Variants in CADPS2 observed in about 807,000 individuals in gnomAD.
CADPS2 encodes calcium-dependent secretion activator 2.
Under a neutral mutation model 172.5 loss-of-function variants are expected in CADPS2, and 93 were observed. The ratio of observed to expected loss-of-function variants is 0.54; its 90% CI spans 0.46 to 0.64. CADPS2 has a LOEUF of 0.64. CADPS2 is among the 30% of genes least tolerant of loss of function. The pLI is 0.00. For synonymous variants in CADPS2, 546 were observed against 555.2 expected (o/e 0.98, Z 0.23); for missense variants, 1,420 against 1,565.9 (o/e 0.91, Z 1.57).
chr7:122,336,692 T>C (rs1440614254), intron 28 of CADPS2, among the ~76,000 whole-genome samples: 1 of 152,228 alleles, frequency 6.6e-6, no homozygotes, highest in Non-Finnish European at 1.5e-5. Flanking sequence ...GGTGGATGAA[T>C]GCAAATATAC....
chr7:122,465,429 G>A (rs955194477), intron 14 of CADPS2, among the ~76,000 whole-genome samples: 1 of 152,156 alleles, frequency 6.6e-6, no homozygotes, highest in Admixed American at 6.5e-5. Context: ...ACCAATCCAT[G>A]GCCTGTTTGG....
chr7:122,749,878 T>A (rs1378561739), intron 1 of CADPS2, among the ~76,000 whole-genome samples: 1 of 151,770 alleles, frequency 6.6e-6, no homozygotes, highest in African/African-American at 2.4e-5. Flanking sequence ...GATTTTTAAT[T>A]CTAAAAGCAA....
At chr7:122,562,580 A>G (rs1468921661) in intron 7 of CADPS2, among the ~76,000 whole-genome samples, 5 of 152,190 alleles carry the variant, frequency 3.3e-5, no homozygotes, top group Non-Finnish European at 5.9e-5. Context: ...TATTGTTTTA[A>G]GTCACTAAGT....
chr7:122,464,103 A>G (rs1404977288), intron 14 of CADPS2, among the ~76,000 whole-genome samples: 6 of 152,214 alleles, frequency 3.9e-5, no homozygotes, highest in African/African-American at 1.2e-4. Flanking sequence ...CAACAATAAC[A>G]AAACCAGAGC....
intron 8 of CADPS2, among the ~76,000 whole-genome samples, chr7:122,519,457 A>G (rs2060617832): frequency 6.6e-6 from 1 of 152,152 alleles, no homozygotes; most frequent in Admixed American, 6.6e-5. Context: ...AGAAATTAGC[A>G]GCACTGAAAC....
intron 6 of CADPS2, among the ~76,000 whole-genome samples, chr7:122,587,743 T>C (rs2069990325): frequency 6.6e-6 from 1 of 152,120 alleles, no homozygotes; most frequent in Non-Finnish European, 1.5e-5. Context: ...TTTGGGTATA[T>C]AACCAGTAAT....
chr7:122,510,105 A>T (rs1396089635), intron 9 of CADPS2, among the ~76,000 whole-genome samples: 4 of 152,168 alleles, frequency 2.6e-5, no homozygotes, highest in Non-Finnish European at 5.9e-5. Context: ...TATCTTAAGT[A>T]CTTTACACCA....
At chr7:122,471,142 TTC>T (rs903744275) in intron 14 of CADPS2, among the ~76,000 whole-genome samples, 28 of 151,936 alleles carry the variant, frequency 1.8e-4, no homozygotes, top group African/African-American at 6.7e-4. Context: ...CTCATATTTT[TTC>T]TCTCTCTCTC....
rs552720604 is a variant in CADPS2 at position 122,765,947 on chromosome 7, GT to G, written c.340-28880del. Among the ~76,000 whole-genome samples, 219 of 152,208 alleles carry G rather than the reference GT, an allele frequency of 1.4e-3. 1 individual carries two copies. Among genetic ancestry groups the G allele is most frequent in the Admixed American group, 2.6e-3 (40 of 15,262 alleles). On this transcript the variant is annotated intron_variant, in intron 1 of 29. Transcript: ENST00000449022. ...TAGACAACGTCTTAGTCCATTTTGTGTTGCTTTAACAGAATACCTGACACTG... is the reference window on the plus strand; with the variant it reads ...TAGACAACGTCTTAGTCCATTTTGTGTGCTTTAACAGAATACCTGACACTG...
chr7:122,413,259 G>T (rs1384505624), intron 19 of CADPS2, among the ~76,000 whole-genome samples: 1 of 152,172 alleles, frequency 6.6e-6, no homozygotes, highest in East Asian at 1.9e-4. Flanking sequence ...AAAATATCTG[G>T]TCAGAGATGG....
At chr7:122,528,284 T>C (rs2131251864) in intron 8 of CADPS2, among the ~76,000 whole-genome samples, 1 of 152,298 alleles carries the variant, frequency 6.6e-6, no homozygotes, top group South Asian at 2.1e-4. Flanking sequence ...GGGGCAAGAA[T>C]GTAAGTATAT....
intron 6 of CADPS2, among the ~76,000 whole-genome samples, chr7:122,593,569 A>G (rs73433797): frequency 0.042 from 6,464 of 152,168 alleles, 146 homozygotes; most frequent in South Asian, 0.1. Context: ...CACATCTCAT[A>G]GAAAGTGCAC....
intron 9 of CADPS2, among the ~76,000 whole-genome samples, chr7:122,496,345 T>C (rs2058730728): frequency 6.6e-6 from 1 of 152,126 alleles, no homozygotes; most frequent in Admixed American, 6.6e-5. Flanking sequence ...CTGTTTTTAG[T>C]ATAGATGAGG....
intron 6 of CADPS2, among the ~76,000 whole-genome samples, chr7:122,610,723 A>G (rs1010066494): frequency 6.6e-6 from 1 of 152,034 alleles, no homozygotes; most frequent in African/African-American, 2.4e-5. Context: ...TTATGTGGGG[A>G]AAAAAAACCA....
At position 122,357,046 on chromosome 7, in the gene CADPS2, T is replaced by A. The variant is rs529182748; in HGVS notation, c.3504+3742A>T. Among the ~76,000 whole-genome samples, 4 of 152,336 alleles carry A rather than the reference T, an allele frequency of 2.6e-5. No homozygotes were observed. In the East Asian group the frequency reaches 7.7e-4, roughly 29 times the overall value. On this transcript the variant is annotated intron_variant, in intron 27 of 29. Coordinates refer to ENST00000449022, the MANE Select transcript of CADPS2 (RefSeq NM_017954.11). The stretch of plus-strand genomic sequence containing the variant: ...AAATGTATGTGAGCACATTAACGCA[T>A]GCATATACATATATCTAAAAATACT...
chr7:122,616,246 T>C (rs889642065), intron 5 of CADPS2, among the ~76,000 whole-genome samples: 33 of 152,078 alleles, frequency 2.2e-4, no homozygotes, highest in African/African-American at 7.7e-4. Flanking sequence ...CCATGTGGTA[T>C]TTGCACAAAC....
At chr7:122,605,476 C>T (rs980676221) in intron 6 of CADPS2, among the ~76,000 whole-genome samples, 1 of 152,080 alleles carries the variant, frequency 6.6e-6, no homozygotes, top group Non-Finnish European at 1.5e-5. Flanking sequence ...TATGATCCCA[C>T]CACCGATGAA....
At position 122,476,287 on chromosome 7, in the gene CADPS2, C is replaced by A. The variant is rs532928092; in HGVS notation, c.1862-1770G>T. Reference sequence around the variant, plus strand: ...GTTACAACAGGAGTTAAAAATAATGCCCATTAATGGTTAATCTGTTGAGAA... The same window carrying A: ...GTTACAACAGGAGTTAAAAATAATGACCATTAATGGTTAATCTGTTGAGAA... On this transcript the variant is annotated intron_variant, in intron 12 of 29. Transcript: ENST00000449022. 2.0e-5 allele frequency among the ~76,000 whole-genome samples: 3 copies of A among 151,824 alleles called. No homozygotes were observed. In the East Asian group the frequency reaches 5.8e-4, roughly 30 times the overall value.
intron 15 of CADPS2, among the ~76,000 whole-genome samples, chr7:122,447,936 T>C (rs900090648): frequency 2.0e-5 from 3 of 151,728 alleles, no homozygotes; most frequent in African/African-American, 7.3e-5. Flanking sequence ...AAAAGGAACA[T>C]TTTTTTTAGT....
Sources: gnomAD v4.1 joint callset for allele counts (sites outside exome capture counted in the v4.1 genomes callset) on GRCh38, gnomAD v4.1.1 for gene constraint, MANE v1.5 for transcripts, NCBI Gene and HGNC (gene_info 2026-07-23, HGNC 2026-07-21) for gene names.